Variants in GRID2 observed in about 807,000 individuals in gnomAD.
GRID2 encodes the protein glutamate ionotropic receptor delta type subunit 2.
A neutral mutation model predicts 114.8 loss-of-function variants in GRID2; 33 were observed. The observed-to-expected ratio is 0.29, with a 90% CI of 0.22 to 0.38. The LOEUF (loss-of-function observed/expected upper bound fraction) is 0.38. Ranked by LOEUF, GRID2 falls within the 10% of genes least tolerant of loss-of-function variation. The probability of loss-of-function intolerance (pLI) is 1.00; values close to 1 mark genes in which losing one functional copy is unlikely to be tolerated. For synonymous variants in GRID2, 505 were observed against 449.9 expected (o/e 1.12, Z -1.55); for missense variants, 1,184 against 1,257.7 (o/e 0.94, Z 0.89).
chr4:92,553,580 A>G (rs1726702776), intron 1 of GRID2, among the ~76,000 whole-genome samples: 2 of 152,156 alleles, frequency 1.3e-5, no homozygotes, highest in Non-Finnish European at 1.5e-5. Context: ...TTTTAATTGC[A>G]TAAATTATAT....
chr4:92,829,158 T>A (rs1741930532), intron 2 of GRID2, among the ~76,000 whole-genome samples: 1 of 152,240 alleles, frequency 6.6e-6, no homozygotes. Flanking sequence ...GTTTTACATT[T>A]AAGCCTTTAA....
At chr4:92,675,138 AC>A (rs764243675) in intron 2 of GRID2, among the ~76,000 whole-genome samples, 2 of 152,206 alleles carry the variant, frequency 1.3e-5, no homozygotes, top group East Asian at 3.9e-4. Flanking sequence ...CTTGGCTTTT[AC>A]TTTGTTAGAG....
At chr4:93,036,398 T>C (rs1274480645) in intron 2 of GRID2, among the ~76,000 whole-genome samples, 1 of 152,192 alleles carries the variant, frequency 6.6e-6, no homozygotes, top group Non-Finnish European at 1.5e-5. Context: ...TGTGCTCTTA[T>C]TTCTTATGGT....
intron 8 of GRID2, among the ~76,000 whole-genome samples, chr4:93,276,526 C>T (rs1752077547): frequency 6.6e-6 from 1 of 151,974 alleles, no homozygotes; most frequent in African/African-American, 2.4e-5. Flanking sequence ...ATTTGGGAAG[C>T]ACTGTCATTT....
At chr4:93,292,874 A>G (rs1004680454) in intron 8 of GRID2, among the ~76,000 whole-genome samples, 5 of 152,176 alleles carry the variant, frequency 3.3e-5, no homozygotes, top group African/African-American at 9.7e-5. Context: ...TTAGAACTGT[A>G]TAAATACAGT....
At chr4:92,387,726 T>TTA (rs1730035935) in intron 1 of GRID2, among the ~76,000 whole-genome samples, 1 of 152,018 alleles carries the variant, frequency 6.6e-6, no homozygotes, top group Non-Finnish European at 1.5e-5. Flanking sequence ...AAGGAGATGA[T>TTA]AGATTACCTA....
rs149723227 is a variant in GRID2, at chr4:92,706,545, T to A, written c.244+116259T>A. 1.4e-3 allele frequency among the ~76,000 whole-genome samples: 216 copies of A among 152,288 alleles called. 3 individuals are homozygous for A. The East Asian group carries it at 0.039, about 27-fold the overall frequency. On this transcript the variant is annotated intron_variant, in intron 2 of 15. Coordinates refer to ENST00000282020, the MANE Select transcript of GRID2 (RefSeq NM_001510.4). Reference sequence around the variant, plus strand: ...TAGTGGTTATCCATGGGAATGATGCTGTCCTCTAGGGGTGTTTTGGTTATA... The same window carrying A: ...TAGTGGTTATCCATGGGAATGATGCAGTCCTCTAGGGGTGTTTTGGTTATA...
At chr4:93,350,705 T>C (rs1760715106) in intron 8 of GRID2, among the ~76,000 whole-genome samples, 1 of 152,044 alleles carries the variant, frequency 6.6e-6, no homozygotes, top group Non-Finnish European at 1.5e-5. Flanking sequence ...TAATAAGTCT[T>C]TTTTGAAGAC....
intron 2 of GRID2, among the ~76,000 whole-genome samples, chr4:92,930,499 A>T (rs1560712861): frequency 6.6e-6 from 1 of 151,132 alleles, no homozygotes; most frequent in Non-Finnish European, 1.5e-5. Flanking sequence ...CAAATTTAAT[A>T]AGCAAACTGC....
At chr4:92,974,401 G>A (rs555044226) in intron 2 of GRID2, among the ~76,000 whole-genome samples, 2 of 151,938 alleles carry the variant, frequency 1.3e-5, no homozygotes, top group Admixed American at 6.6e-5. Context: ...TCTTTATTGT[G>A]GCACTGTTCA....
At chr4:93,625,097 A>AT (rs1211168906) in intron 13 of GRID2, among the ~76,000 whole-genome samples, 1 of 152,152 alleles carries the variant, frequency 6.6e-6, no homozygotes, top group Non-Finnish European at 1.5e-5. Flanking sequence ...CAGCATTGTC[A>AT]TTTTTTCTTC....
chr4:93,397,664 A>G (rs1190796102), intron 9 of GRID2, among the ~76,000 whole-genome samples: 1 of 151,970 alleles, frequency 6.6e-6, no homozygotes, highest in East Asian at 1.9e-4. Flanking sequence ...TTGATTAAAT[A>G]TGGTTGACCC....
chr4:93,207,513 T>G (rs1742948357), intron 5 of GRID2, 56 bp downstream of exon 5: 1 of 1,103,210 alleles, frequency 9.1e-7, no homozygotes, highest in African/African-American at 1.6e-5. Context: ...CATATATAAT[T>G]GTAGCATTTC....
intron 13 of GRID2, among the ~76,000 whole-genome samples, chr4:93,550,640 C>T (rs919283162): frequency 2.0e-5 from 3 of 152,204 alleles, no homozygotes; most frequent in Non-Finnish European, 4.4e-5. Context: ...CTAACCACTA[C>T]AAACCTTCTG....
At chr4:93,286,573 T>C (rs1423346896) in intron 8 of GRID2, among the ~76,000 whole-genome samples, 2 of 152,018 alleles carry the variant, frequency 1.3e-5, no homozygotes, top group Non-Finnish European at 1.5e-5. Context: ...CAAACACTAA[T>C]ATTGTCTTAC....
chr4:93,272,635 G>C (rs1373774255), intron 8 of GRID2, among the ~76,000 whole-genome samples: 5 of 152,120 alleles, frequency 3.3e-5, no homozygotes, highest in Non-Finnish European at 7.3e-5. Flanking sequence ...TCACCAGAGG[G>C]GTGGTTTTGC....
chr4:92,442,385 G>A (rs964049621), intron 1 of GRID2, among the ~76,000 whole-genome samples: 67 of 152,164 alleles, frequency 4.4e-4, no homozygotes, highest in African/African-American at 1.5e-3. Flanking sequence ...CCGGGCTGCG[G>A]GCATTCCTTG....
At chr4:92,642,495 A>C (rs1025859889) in intron 2 of GRID2, among the ~76,000 whole-genome samples, 1 of 151,766 alleles carries the variant, frequency 6.6e-6, no homozygotes, top group South Asian at 2.1e-4. Context: ...TGTTTTTTAC[A>C]TGTTGACTTG....
At chr4:93,210,617 GAAC>G (rs1215328040) in intron 5 of GRID2, among the ~76,000 whole-genome samples, 1 of 151,962 alleles carries the variant, frequency 6.6e-6, no homozygotes, top group East Asian at 1.9e-4. Context: ...TTGACCATGA[GAAC>G]AACATGATCA....
Sources: allele counts gnomAD v4.1 joint callset (sites outside exome capture counted in the v4.1 genomes callset), GRCh38; gene constraint gnomAD v4.1.1; transcripts MANE v1.5; gene names NCBI Gene and HGNC (gene_info 2026-07-23, HGNC 2026-07-21).